Variants in MAF observed in about 807,000 individuals in gnomAD.
MAF encodes transcription factor Maf.
In MAF, 10 loss-of-function variants were observed where a neutral mutation model predicts 22.0. That is an observed-to-expected ratio of 0.45 (90% CI 0.28 to 0.77). The LOEUF (loss-of-function observed/expected upper bound fraction) is 0.77, where lower values mean the gene tolerates loss of function less well. Among genes scored for constraint, MAF ranks in the 30% least tolerant of loss-of-function variants. The probability of loss-of-function intolerance (pLI) is 0.12; values close to 1 mark genes in which losing one functional copy is unlikely to be tolerated. For synonymous variants in MAF, 337 were observed against 255.8 expected (o/e 1.32, Z -3.03); for missense variants, 544 against 548.4 (o/e 0.99, Z 0.08).
At chr16:79,466,821 T>C in the MAF span, among the ~76,000 whole-genome samples, 1 of 152,226 alleles carries the variant, frequency 6.6e-6, no homozygotes, top group South Asian at 2.1e-4. Flanking sequence ...TTATTACTCA[T>C]GTTCATCTTT....
At chr16:79,490,608 A>G in the MAF span, among the ~76,000 whole-genome samples, 1 of 71,948 alleles carries the variant, frequency 1.4e-5, no homozygotes, top group Admixed American at 1.5e-4. Context: ...GCATGCACAC[A>G]TACACAGACA....
chr16:79,543,277 T>G, the MAF span, among the ~76,000 whole-genome samples: 2 of 152,216 alleles, frequency 1.3e-5, no homozygotes. Context: ...GGCAAGAGTG[T>G]AGCTAGAATG....
the MAF span, among the ~76,000 whole-genome samples, chr16:79,433,676 T>C: frequency 6.6e-6 from 1 of 152,108 alleles, no homozygotes; most frequent in African/African-American, 2.4e-5. Context: ...TTGTTACTGT[T>C]CTCAACTGAC....
the MAF span, among the ~76,000 whole-genome samples, chr16:79,558,052 G>C: frequency 6.6e-6 from 1 of 151,196 alleles, no homozygotes; most frequent in Admixed American, 6.6e-5. Flanking sequence ...ATTTCAGAAT[G>C]TGACACCTGT....
chr16:79,243,299 T>C, the MAF span, among the ~76,000 whole-genome samples: 1 of 151,514 alleles, frequency 6.6e-6, no homozygotes, highest in Non-Finnish European at 1.5e-5. Context: ...ATTTTTGTTT[T>C]TTAAAACAAA....
chr16:79,363,735 G>T, the MAF span, among the ~76,000 whole-genome samples: 1 of 152,180 alleles, frequency 6.6e-6, no homozygotes, highest in Non-Finnish European at 1.5e-5. Context: ...AGTGAATGGG[G>T]TCACTGGGGC....
chr16:79,534,382 TAA>T, the MAF span, among the ~76,000 whole-genome samples: 1 of 152,192 alleles, frequency 6.6e-6, no homozygotes, highest in Non-Finnish European at 1.5e-5. Context: ...CATCTGAATT[TAA>T]AAGACTTGAG....
chr16:79,551,112 C>T, the MAF span, among the ~76,000 whole-genome samples: 1 of 152,206 alleles, frequency 6.6e-6, no homozygotes, highest in East Asian at 1.9e-4. Context: ...AGTCTCCTTC[C>T]TTGAGGAACT....
At chr16:79,575,966 G>C in the MAF span, among the ~76,000 whole-genome samples, 1 of 151,886 alleles carries the variant, frequency 6.6e-6, no homozygotes, top group African/African-American at 2.4e-5. Context: ...CTAAACCGGG[G>C]TCCTGAAATC....
chr16:79,247,062 G>C, the MAF span, among the ~76,000 whole-genome samples: 789 of 152,338 alleles, frequency 5.2e-3, 7 homozygotes, highest in African/African-American at 0.018. Flanking sequence ...TGCTGTGATA[G>C]AGTATAATGG....
chr16:79,389,425 G>A, the MAF span, among the ~76,000 whole-genome samples: 1 of 151,912 alleles, frequency 6.6e-6, no homozygotes, highest in South Asian at 2.1e-4. Flanking sequence ...CACCAGCAAT[G>A]TTTTGTATTT....
the MAF span, among the ~76,000 whole-genome samples, chr16:79,258,182 G>C: frequency 2.1e-3 from 313 of 152,280 alleles, no homozygotes; most frequent in Middle Eastern, 0.034. Flanking sequence ...GACGCCTCTG[G>C]GGTGTGTGGT....
chr16:79,493,422 C>T, the MAF span, among the ~76,000 whole-genome samples: 1 of 152,096 alleles, frequency 6.6e-6, no homozygotes, highest in Non-Finnish European at 1.5e-5. Flanking sequence ...CCTCATGATC[C>T]ACCCACCTCA....
chr16:79,597,302 T>G, intron 1 of MAF: 1 of 1,040,940 alleles, frequency 9.6e-7, no homozygotes, highest in Non-Finnish European at 1.2e-6. Flanking sequence ...AAACTAGAAT[T>G]AAATTATATA....
the MAF span, among the ~76,000 whole-genome samples, chr16:79,343,699 T>C: frequency 1.3e-5 from 2 of 152,200 alleles, no homozygotes; most frequent in Non-Finnish European, 2.9e-5. Flanking sequence ...ATCTGTAAAA[T>C]GTCATCTGGA....
At chr16:79,211,943 CT>C in the MAF span, 3 of 1,537,400 alleles carry the variant, frequency 2.0e-6, no homozygotes, top group East Asian at 2.4e-5. Context: ...AGTGAAAAAT[CT>C]TAAGTACCAA....
the MAF span, among the ~76,000 whole-genome samples, chr16:79,386,113 G>A: frequency 2.6e-5 from 4 of 152,048 alleles, no homozygotes; most frequent in Non-Finnish European, 5.9e-5. Context: ...TTGGCACCAG[G>A]GACTGGTTTC....
intron 1 of MAF, chr16:79,596,191 C>G (rs1913513766): frequency 9.4e-7 from 1 of 1,062,026 alleles, no homozygotes; most frequent in Non-Finnish European, 1.1e-6. Context: ...CCTAGTTCCA[C>G]TGTTTTGTTT....
the MAF span, among the ~76,000 whole-genome samples, chr16:79,401,706 C>T: frequency 1.8e-4 from 27 of 152,048 alleles, no homozygotes; most frequent in Non-Finnish European, 2.2e-4. Flanking sequence ...ATTTTCGGGC[C>T]GTGTGGTACG....
Sources: gnomAD v4.1 joint callset for allele counts (sites outside exome capture counted in the v4.1 genomes callset) on GRCh38, gnomAD v4.1.1 for gene constraint, MANE v1.5 for transcripts, NCBI Gene and HGNC (gene_info 2026-07-23, HGNC 2026-07-21) for gene names.